Variants in F10 observed in about 807,000 individuals in gnomAD.
F10 encodes coagulation factor X.
A neutral mutation model predicts 37.1 loss-of-function variants in F10; 29 were observed. The observed-to-expected ratio is 0.78, with a 90% CI of 0.58 to 1.07. The LOEUF (loss-of-function observed/expected upper bound fraction) is 1.07. F10 is among the 50% of genes least tolerant of loss of function. F10 has a pLI of 0.00. For synonymous variants in F10, 262 were observed against 268.6 expected (o/e 0.98, Z 0.24); for missense variants, 539 against 667.9 (o/e 0.81, Z 2.13).
At chr13:113,130,325 C>G (rs898503163) in intron 2 of F10, 1 of 154,498 alleles carries the variant, frequency 6.5e-6, no homozygotes, top group African/African-American at 2.4e-5. Flanking sequence ...GCGGAAGACG[C>G]TACCCTCCTC....
In F10 at chr13:113,123,379, G is replaced by A. The variant is rs1405647011; in HGVS notation, c.70+454G>A. On this transcript the variant is annotated intron_variant, in intron 1 of 7. Transcript: ENST00000375559. Reference sequence around the variant, plus strand: ...CTCCCAGGGAGGAGGAGGCTGAGCCGAGCCAGTGCCACCACTCTCGGACTG... The same window carrying A: ...CTCCCAGGGAGGAGGAGGCTGAGCCAAGCCAGTGCCACCACTCTCGGACTG... Among the ~76,000 whole-genome samples, 6 of 152,168 alleles carry A rather than the reference G, an allele frequency of 3.9e-5. No homozygotes were observed. The East Asian group carries it at 5.8e-4, about 15-fold the overall frequency.
chr13:113,144,825 T>C lies in F10; in HGVS notation c.747+730T>C, dbSNP rs1242694001. Among the ~76,000 whole-genome samples, 1 of 151,780 alleles carries C rather than the reference T, an allele frequency of 6.6e-6. No individual in the cohort carries two copies. Among genetic ancestry groups the C allele is most frequent in the Non-Finnish European group, 1.5e-5 (1 of 67,998 alleles). ...ACCTCCTGGGTTCAAGCGATTCTCATGCCTCAGACTCCCAAGTAGCTGGAA... is the reference window on the plus strand; with the variant it reads ...ACCTCCTGGGTTCAAGCGATTCTCACGCCTCAGACTCCCAAGTAGCTGGAA... On this transcript the variant is annotated intron_variant, in intron 6 of 7. Transcript: ENST00000375559. The surrounding 1 kb of genome is among the most constrained non-coding windows in gnomAD (Gnocchi z 6.4).
intron 7 of F10, among the ~76,000 whole-genome samples, chr13:113,148,326 G>T: frequency 9.8e-6 from 1 of 102,110 alleles, no homozygotes. Context: ...GCAAAACTCT[G>T]TCTCAAAAAA....
Position 113,149,026 on chromosome 13 carries a change from C to T in F10, c.976C>T (p.Leu326Phe). Residue 326 changes from leucine (L) to phenylalanine (F), a missense_variant, in exon 8 of 8, where the codon CTC becomes TTC. Around this residue, in one of 2 missense-constraint regions of F10, gnomAD observed 409 missense variants for 547.9 expected, o/e 0.75. Transcript: ENST00000375559. This position sits in a 1 kb window ranked among gnomAD's most constrained non-coding sequence, Gnocchi z 7.5. ...GACCTATGACTTCGACATCGCCGTG[C>T]TCCGGCTCAAGACCCCCATCACCTT... ...KETYDFDIAV[L>F]RLKTPITFRM... 6.2e-7 allele frequency: 1 copy of T among 1,613,512 alleles called. No individual in the cohort carries two copies. Among genetic ancestry groups the T allele is most frequent in the Non-Finnish European group, 8.5e-7 (1 of 1,180,030 alleles).
chr13:113,123,879 C>T (rs1241213624), intron 1 of F10, among the ~76,000 whole-genome samples: 1 of 152,066 alleles, frequency 6.6e-6, no homozygotes, highest in Non-Finnish European at 1.5e-5. Context: ...CCACGCGGAA[C>T]GGGACTCCCG....
At position 113,149,312 on chromosome 13, in the gene F10, G is replaced by T. The variant is rs758726161; in HGVS notation, c.1262G>T (p.Gly421Val). The change falls in exon 8 of 8, where the codon GGC becomes GTC. Residue 421 changes from glycine (G) to valine (V), a missense_variant. Gly to Val is a moderately radical substitution (Grantham distance 109). Transcript: ENST00000375559. The surrounding 1 kb of genome is among the most constrained non-coding windows in gnomAD (Gnocchi z 7.5). ...QEDACQGDSG[G>V]PHVTRFKDTY... Reference sequence around the variant, plus strand: ...GATGCCTGCCAGGGGGACAGCGGGGGCCCGCACGTCACCCGCTTCAAGGAC... The same window carrying T: ...GATGCCTGCCAGGGGGACAGCGGGGTCCCGCACGTCACCCGCTTCAAGGAC... The T allele has an allele frequency of 1.9e-6, 3 of 1,613,264 alleles. No homozygotes were observed. The highest frequency in any genetic ancestry group is 1.1e-5 in the South Asian group (1 of 91,088).
chr13:113,123,552 C>G (rs1173180513), intron 1 of F10, among the ~76,000 whole-genome samples: 1 of 152,178 alleles, frequency 6.6e-6, no homozygotes, highest in Non-Finnish European at 1.5e-5. Flanking sequence ...GAGGAGGCCC[C>G]TCTGGTGGGG....
intron 4 of F10, chr13:113,140,453 G>A (rs1197746947): frequency 1.1e-5 from 5 of 463,194 alleles, no homozygotes; most frequent in African/African-American, 2.0e-5. Context: ...TATCAATTAC[G>A]CATCATTCCA....
chr13:113,147,079 G>C (rs1041875097), intron 6 of F10, among the ~76,000 whole-genome samples: 1 of 152,204 alleles, frequency 6.6e-6, no homozygotes, highest in African/African-American at 2.4e-5. Flanking sequence ...GACGGGAAAG[G>C]CTGCTCCCAC....
At position 113,124,336 on chromosome 13, in the gene F10, C is replaced by T. The variant is rs977431236; in HGVS notation, c.70+1411C>T. ...AGAGTCCTGGTGGAGCGCCAGCTTC[C>T]CTTCCTGCCAATGGGAAATGCAGGC... On this transcript the variant is annotated intron_variant, in intron 1 of 7. Transcript: ENST00000375559. 2.0e-5 allele frequency among the ~76,000 whole-genome samples: 3 copies of T among 152,358 alleles called. No homozygotes were observed. The East Asian group carries it at 5.8e-4, about 29-fold the overall frequency.
chr13:113,142,505 C>T (rs1484308875), intron 5 of F10, among the ~76,000 whole-genome samples: 2 of 135,142 alleles, frequency 1.5e-5, no homozygotes, highest in African/African-American at 5.5e-5. Context: ...AGCACTGAGC[C>T]GAGATTGCGC....
Position 113,139,594 on chromosome 13 carries a change from G to T in F10, c.370+124G>T. On this transcript the variant is annotated intron_variant, in intron 4 of 7. Transcript: ENST00000375559. The surrounding 1 kb of genome is among the most constrained non-coding windows in gnomAD (Gnocchi z 5.2). ...GTCATTTCTGATTTACAAAGTCTGGGCTCTATTATACCTATTATACTGTGC... is the reference window on the plus strand; with the variant it reads ...GTCATTTCTGATTTACAAAGTCTGGTCTCTATTATACCTATTATACTGTGC... The T allele has an allele frequency of 2.5e-6, 2 of 795,120 alleles. No individual in the cohort carries two copies. Among genetic ancestry groups the T allele is most frequent in the South Asian group, 1.5e-5 (1 of 68,670 alleles). 49.3% of individuals were successfully genotyped at this position (795,120 alleles called of 1,614,324 possible). A position where few individuals can be genotyped will look rare whatever the true frequency, so the allele number is the denominator to read the frequency against.
At chr13:113,138,306 G>A in intron 2 of F10, 151 bp from the exon 3 acceptor site, 1 of 432,498 alleles carries the variant, frequency 2.3e-6, no homozygotes. Context: ...TTCCTCTTTA[G>A]ATTGAATAGT....
chr13:113,149,322 C>A lies in F10; in HGVS notation c.1272C>A (p.Val424=). The A allele has an allele frequency of 6.2e-7, 1 of 1,613,260 alleles. No homozygotes were observed. Among genetic ancestry groups the A allele is most frequent in the Non-Finnish European group, 8.5e-7 (1 of 1,180,026 alleles). The change falls in exon 8 of 8, where the codon GTC becomes GTA. Residue 424 remains valine (V), a synonymous_variant. Coordinates refer to ENST00000375559, the MANE Select transcript of F10 (RefSeq NM_000504.4). The surrounding 1 kb of genome is among the most constrained non-coding windows in gnomAD (Gnocchi z 7.5). The part of the protein sequence containing the change: ...ACQGDSGGPH[V]TRFKDTYFVT... The stretch of plus-strand genomic sequence containing the variant: ...AGGGGGACAGCGGGGGCCCGCACGT[C>A]ACCCGCTTCAAGGACACCTACTTCG...
At chr13:113,138,246 T>G (rs1566918601) in intron 2 of F10, among the ~76,000 whole-genome samples, 1 of 152,222 alleles carries the variant, frequency 6.6e-6, no homozygotes, top group Admixed American at 6.5e-5. Flanking sequence ...GATGGTTCAT[T>G]TAAGATGACT....
rs772748215 is a variant in F10 at position 113,122,870 on chromosome 13, G to A, written c.15G>A (p.Leu5=). The change falls in exon 1 of 8, where the codon CTG becomes CTA. Residue 5 remains leucine (L), a synonymous_variant. Coordinates refer to ENST00000375559, the MANE Select transcript of F10 (RefSeq NM_000504.4). ...TCGGCCACACCATGGGGCGCCCACTGCACCTCGTCCTGCTCAGTGCCTCCC... is the reference window on the plus strand; with the variant it reads ...TCGGCCACACCATGGGGCGCCCACTACACCTCGTCCTGCTCAGTGCCTCCC... The part of the protein sequence containing the change: MGRP[L]HLVLLSASLA... 1.5e-5 allele frequency: 24 copies of A among 1,610,550 alleles called. No homozygotes were observed. In the South Asian group the frequency reaches 2.6e-4, roughly 18 times the overall value.
Position 113,149,119 on chromosome 13 carries a change from A to C in F10, c.1069A>C (p.Lys357Gln). ...GGCCGAGTCCACGCTGATGACGCAGAAGACGGGGATTGTGAGCGGCTTCGG... is the reference window on the plus strand; with the variant it reads ...GGCCGAGTCCACGCTGATGACGCAGCAGACGGGGATTGTGAGCGGCTTCGG... ...DWAESTLMTQ[K>Q]TGIVSGFGRT... The change falls in exon 8 of 8, where the codon AAG (lysine) becomes CAG (glutamine). Residue 357 changes from lysine to glutamine, a missense_variant. Around this residue, in one of 2 missense-constraint regions of F10, gnomAD observed 409 missense variants for 547.9 expected, o/e 0.75. Coordinates refer to ENST00000375559, the MANE Select transcript of F10 (RefSeq NM_000504.4). The surrounding 1 kb of genome is among the most constrained non-coding windows in gnomAD (Gnocchi z 7.5). 6.2e-7 allele frequency: 1 copy of C among 1,613,008 alleles called. No homozygotes were observed. The highest frequency in any genetic ancestry group is 8.5e-7 in the Non-Finnish European group (1 of 1,179,984).
At position 113,149,422 on chromosome 13, in the gene F10, T is replaced by C. The variant is rs1433448339; in HGVS notation, c.1372T>C (p.Phe458Leu). The C allele has an allele frequency of 1.2e-6, 2 of 1,613,242 alleles. No individual in the cohort carries two copies. The highest frequency in any genetic ancestry group is 8.5e-7 in the Non-Finnish European group (1 of 1,179,878). Reference sequence around the variant, plus strand: ...CGGGATCTACACCAAGGTCACCGCCTTCCTCAAGTGGATCGACAGGTCCAT... The same window carrying C: ...CGGGATCTACACCAAGGTCACCGCCCTCCTCAAGTGGATCGACAGGTCCAT... ...KYGIYTKVTA[F>L]LKWIDRSMKT... The change falls in exon 8 of 8, where the codon TTC (phenylalanine) becomes CTC (leucine). Residue 458 changes from phenylalanine to leucine, a missense_variant. This residue lies in a region of F10 where 409 missense variants were observed against 547.9 expected (regional missense o/e 0.75). Coordinates refer to ENST00000375559, the MANE Select transcript of F10 (RefSeq NM_000504.4). This position sits in a 1 kb window ranked among gnomAD's most constrained non-coding sequence, Gnocchi z 7.5.
At chr13:113,132,348 A>G (rs1165735449) in intron 2 of F10, among the ~76,000 whole-genome samples, 1 of 152,218 alleles carries the variant, frequency 6.6e-6, no homozygotes, top group Non-Finnish European at 1.5e-5. Flanking sequence ...CTTTACTTAT[A>G]TATAGCTACC....
Sources: gnomAD v4.1 joint callset for allele counts (sites outside exome capture counted in the v4.1 genomes callset) on GRCh38, gnomAD v4.1.1 for gene constraint, gnomAD v4.1.1 regional missense constraint, Gnocchi (gnomAD v3.1) non-coding constraint, MANE v1.5 for transcripts, NCBI Gene and HGNC (gene_info 2026-07-23, HGNC 2026-07-21) for gene names.